GPRC5C: variants seen among roughly 807,000 people sequenced by gnomAD.
GPRC5C encodes G protein-coupled receptor class C group 5 member C, also known as G protein-coupled receptor family C group 5 member C.
Under a neutral mutation model 31.4 loss-of-function variants are expected in GPRC5C, and 22 were observed. That is an observed-to-expected ratio of 0.70 (90% confidence interval 0.50 to 1.00). The LOEUF (loss-of-function observed/expected upper bound fraction) is 1.00. Ranked by LOEUF, GPRC5C falls within the 50% of genes least tolerant of loss-of-function variation. The pLI is 0.00. For missense variants in GPRC5C, 557 were observed against 597.2 expected (o/e 0.93, Z 0.70); for synonymous variants, 249 against 257.5 (o/e 0.97, Z 0.32).
At chr17:74,441,661 A>G (rs528532234) in intron 2 of GPRC5C, among the ~76,000 whole-genome samples, 4 of 152,244 alleles carry the variant, frequency 2.6e-5, no homozygotes, top group East Asian at 1.9e-4. Context: ...CGTCTCTACA[A>G]ATAATTTCAA....
chr17:74,433,755 T>TG (rs1428859033), intron 1 of GPRC5C: 1 of 1,611,800 alleles, frequency 6.2e-7, no homozygotes, highest in Non-Finnish European at 8.5e-7. Context: ...CCATTGGCCA[T>TG]GGGTCAGTGT....
chr17:74,439,212 T>C (rs1456786695), intron 1 of GPRC5C, among the ~76,000 whole-genome samples: 2 of 152,246 alleles, frequency 1.3e-5, no homozygotes, highest in South Asian at 2.1e-4. Flanking sequence ...TCATTTTTCC[T>C]GGCTGTTGGT....
chr17:74,448,543 A>C (rs1386792517), downstream of GPRC5C, among the ~76,000 whole-genome samples: 1 of 151,992 alleles, frequency 6.6e-6, no homozygotes, highest in East Asian at 1.9e-4. Flanking sequence ...ACACCTGGCT[A>C]ACTTTTTGTA....
intron 2 of GPRC5C, among the ~76,000 whole-genome samples, chr17:74,441,183 G>A (rs140162688): frequency 0.013 from 1,911 of 151,874 alleles, 42 homozygotes; most frequent in African/African-American, 0.043. Flanking sequence ...AGGCTGAGGC[G>A]GGAGAATCAC....
Position 74,439,877 on chromosome 17 carries a change from G to T in GPRC5C, c.101G>T (p.Gly34Val). ...QGHVPPGCSQ[G>V]LNPLYYNLCD... is the part of the protein sequence containing the mutation. ...CATGTCCCACCCGGCTGCAGCCAAG[G>T]CCTCAACCCCCTGTACTACAACCTG... Residue 34 changes from glycine to valine, a missense_variant, in exon 2 of 4, where the codon GGC becomes GTC. By Grantham distance (109) the Gly-to-Val change is moderately radical. Transcript: ENST00000392627. 6.2e-7 allele frequency: 1 copy of T among 1,613,212 alleles called. No homozygotes were observed. The highest frequency in any genetic ancestry group is 8.5e-7 in the Non-Finnish European group (1 of 1,180,024).
At chr17:74,437,177 C>T (rs113823074) in intron 1 of GPRC5C, among the ~76,000 whole-genome samples, 394 of 152,248 alleles carry the variant, frequency 2.6e-3, no homozygotes, top group Non-Finnish European at 4.1e-3. Context: ...CTCCTGACCT[C>T]GTGATCTGCC....
At chr17:74,435,916 C>T (rs568262036) in intron 1 of GPRC5C, among the ~76,000 whole-genome samples, 13 of 152,276 alleles carry the variant, frequency 8.5e-5, no homozygotes, top group South Asian at 2.1e-4. Flanking sequence ...ACCAGTCCTT[C>T]GATTGTTTTT....
chr17:74,449,232 A>G, downstream of GPRC5C: 1 of 529,594 alleles, frequency 1.9e-6, no homozygotes, highest in South Asian at 1.7e-5. Flanking sequence ...CTCAGATTGC[A>G]TTAGCCTCCT....
At chr17:74,434,811 T>C (rs555976574) in intron 1 of GPRC5C, among the ~76,000 whole-genome samples, 2 of 152,144 alleles carry the variant, frequency 1.3e-5, no homozygotes, top group African/African-American at 2.4e-5. Context: ...TAATCCCAGC[T>C]ACTCGGGAGG....
At position 74,432,123 on chromosome 17, in the gene GPRC5C, G is replaced by A. The variant is rs1027760813; in HGVS notation, c.-51G>A. On this transcript the variant is annotated 5_prime_UTR_variant, in exon 1 of 4. Transcript: ENST00000392627. ...ATCTCCCTCACCAGCCGGAAAGTAC[G>A]AGTCGGCTCAGCCTGGAGGTGAGTC... is the stretch of plus-strand genomic sequence containing the variant. 6 of 1,613,278 alleles carry A rather than the reference G, an allele frequency of 3.7e-6. No individual in the cohort carries two copies. The highest frequency in any genetic ancestry group is 2.2e-5 in the East Asian group (1 of 44,860).
Position 74,440,827 on chromosome 17 carries a change from G to C in GPRC5C, c.1051G>C (p.Ala351Pro), listed in dbSNP as rs2055526758. 2 of 1,485,320 alleles carry C rather than the reference G, an allele frequency of 1.3e-6. No homozygotes were observed. Among genetic ancestry groups the C allele is most frequent in the Non-Finnish European group, 1.8e-6 (2 of 1,112,150 alleles). The allele number at this position is 1,485,320 out of a possible 1,614,324, so 92.0% of individuals were successfully genotyped here. A position where few individuals can be genotyped will look rare whatever the true frequency, so the allele number is the denominator to read the frequency against. ...KAFSMDEPVA[A>P]KRPVSPYSGY... Reference sequence around the variant, plus strand: ...CTTTTCCATGGATGAGCCGGTTGCAGGTGGGTCTCTGTGGATGCCCCCAGT... The same window carrying C: ...CTTTTCCATGGATGAGCCGGTTGCACGTGGGTCTCTGTGGATGCCCCCAGT... Residue 351 changes from alanine (A) to proline (P), a missense_variant and splice_region_variant, in exon 2 of 4, where the codon GCT becomes CCT. Ala to Pro is a conservative substitution (Grantham distance 27). Transcript: ENST00000392627. This position sits in a 1 kb window ranked among gnomAD's most constrained non-coding sequence, Gnocchi z 4.4.
At chr17:74,444,304 T>A (rs1220961309) in intron 3 of GPRC5C, among the ~76,000 whole-genome samples, 9 of 152,142 alleles carry the variant, frequency 5.9e-5, no homozygotes, top group African/African-American at 1.9e-4. Flanking sequence ...GGGGTCCAAA[T>A]GTCACAGGTC....
chr17:74,446,466 AG>A lies in GPRC5C; in HGVS notation c.1147-382del, dbSNP rs1447326549. Reference sequence around the variant, plus strand: ...GACTCCGTCTCAAAAAAAAAAAAAAAGATTCTTGGAGGAAGGGGGCCTGGGA... The same window carrying A: ...GACTCCGTCTCAAAAAAAAAAAAAAAATTCTTGGAGGAAGGGGGCCTGGGA... On this transcript the variant is annotated intron_variant, in intron 3 of 3. Transcript: ENST00000392627. The A allele has an allele frequency of 7.1e-4, 117 of 165,006 alleles. 2 individuals are homozygous for A. In the South Asian group the frequency reaches 0.02, roughly 28 times the overall value. The allele number at this position is 165,006 out of a possible 1,614,324, so 10.2% of individuals were successfully genotyped here. A position where few individuals can be genotyped will look rare whatever the true frequency, so the allele number is the denominator to read the frequency against.
chr17:74,440,849 C>T lies in GPRC5C; in HGVS notation c.1051+22C>T, dbSNP rs2055527429. The T allele has an allele frequency of 6.9e-7, 1 of 1,448,030 alleles. No homozygotes were observed. The highest frequency in any genetic ancestry group is 2.5e-5 in the Admixed American group (1 of 40,644). The allele number at this position is 1,448,030 out of a possible 1,614,324, so 89.7% of individuals were successfully genotyped here. A position where few individuals can be genotyped will look rare whatever the true frequency, so the allele number is the denominator to read the frequency against. ...GCAGGTGGGTCTCTGTGGATGCCCC[C>T]AGTGGCCCCTTTCTCCATCCCATGT... On this transcript the variant is annotated intron_variant, in intron 2 of 3. Coordinates refer to ENST00000392627, the MANE Select transcript of GPRC5C (RefSeq NM_022036.4). This position sits in a 1 kb window ranked among gnomAD's most constrained non-coding sequence, Gnocchi z 4.4.
chr17:74,432,651 G>C, intron 1 of GPRC5C: 1 of 356,854 alleles, frequency 2.8e-6, no homozygotes, highest in South Asian at 1.1e-4. Context: ...ACTCCGCTCG[G>C]TCGCTGAAAG....
At chr17:74,448,982 C>T (rs780253673), downstream of GPRC5C, 7 of 1,038,494 alleles carry the variant, frequency 6.7e-6, no homozygotes, top group Admixed American at 4.7e-5. Flanking sequence ...GACCTTTGGA[C>T]GCTGGCTCAA....
intron 1 of GPRC5C, among the ~76,000 whole-genome samples, chr17:74,436,974 G>A (rs1330946594): frequency 3.3e-5 from 5 of 151,996 alleles, no homozygotes; most frequent in African/African-American, 9.7e-5. Flanking sequence ...ATGGAGTCTC[G>A]CTCCGTCACC....
chr17:74,434,493 G>A (rs1454395014), intron 1 of GPRC5C, among the ~76,000 whole-genome samples: 1 of 152,308 alleles, frequency 6.6e-6, no homozygotes, highest in African/African-American at 2.4e-5. Flanking sequence ...TGATTTGAAC[G>A]TTCAGGGATC....
rs2055502451 is a variant in GPRC5C, at chr17:74,440,030, G to C, written c.254G>C (p.Ser85Thr). 2 of 1,610,792 alleles carry C rather than the reference G, an allele frequency of 1.2e-6. No homozygotes were observed. The highest frequency in any genetic ancestry group is 1.7e-6 in the Non-Finnish European group (2 of 1,180,028). Residue 85 changes from serine (S) to threonine (T), a missense_variant, in exon 2 of 4, where the codon AGC (serine) becomes ACC (threonine). By Grantham distance (58) the Ser-to-Thr change is moderately conservative. Coordinates refer to ENST00000392627, the MANE Select transcript of GPRC5C (RefSeq NM_022036.4). This position sits in a 1 kb window ranked among gnomAD's most constrained non-coding sequence, Gnocchi z 4.4. The stretch of plus-strand genomic sequence containing the variant: ...TTTGTGCAGGACACCAAGAAACGGA[G>C]CCTGCTGGGGACCCAGGTATTCTTC... ...LPFVQDTKKR[S>T]LLGTQVFFLL... is the part of the protein sequence containing the mutation.
Sources: gnomAD v4.1 joint callset for allele counts (sites outside exome capture counted in the v4.1 genomes callset) on GRCh38, gnomAD v4.1.1 for gene constraint, Gnocchi (gnomAD v3.1) non-coding constraint, MANE v1.5 for transcripts, NCBI Gene and HGNC (gene_info 2026-07-23, HGNC 2026-07-21) for gene names.